Variants in SCFD1 observed in about 807,000 individuals in gnomAD.
SCFD1 encodes sec1 family domain containing 1.
In SCFD1, 37 loss-of-function variants were observed where a neutral mutation model predicts 103.2. The observed-to-expected ratio is 0.36, with a 90% CI of 0.28 to 0.47. The LOEUF (loss-of-function observed/expected upper bound fraction) is 0.47, where lower values mean the gene tolerates loss of function less well. Among genes scored for constraint, SCFD1 ranks in the 20% least tolerant of loss-of-function variants. SCFD1 has a pLI of 1.00. For synonymous variants in SCFD1, 264 were observed against 245.0 expected (o/e 1.08, Z -0.73); for missense variants, 639 against 761.2 (o/e 0.84, Z 1.89).
intron 4 of SCFD1, among the ~76,000 whole-genome samples, chr14:30,635,872 A>G (rs1322421788): frequency 1.3e-5 from 2 of 152,136 alleles, no homozygotes; most frequent in African/African-American, 4.8e-5. Flanking sequence ...TATTCCCACC[A>G]GTAGTGTGTG....
At chr14:30,700,126 G>A (rs1890978151) in intron 15 of SCFD1, 62 bp from the exon 16 acceptor site, 1 of 1,167,098 alleles carries the variant, frequency 8.6e-7, no homozygotes, top group Non-Finnish European at 1.3e-6. Flanking sequence ...TACTTGTGTT[G>A]ACTATAATAC....
chr14:30,653,050 C>G (rs1886553075), intron 9 of SCFD1, among the ~76,000 whole-genome samples: 2 of 152,030 alleles, frequency 1.3e-5, no homozygotes, highest in Non-Finnish European at 2.9e-5. Context: ...GCATCATACA[C>G]AAGCTGTAAC....
intron 4 of SCFD1, chr14:30,634,649 C>T: frequency 2.7e-6 from 1 of 364,750 alleles, no homozygotes; most frequent in East Asian, 7.3e-5. Flanking sequence ...ATAGGGTTTT[C>T]CTTTTCTAAA....
At chr14:30,681,165 G>A (rs1889439596) in intron 14 of SCFD1, among the ~76,000 whole-genome samples, 1 of 150,702 alleles carries the variant, frequency 6.6e-6, no homozygotes, top group East Asian at 2.0e-4. Flanking sequence ...AGGTTGCAGT[G>A]AGCCGAGATC....
At chr14:30,718,283 A>G (rs111610196) in intron 20 of SCFD1, among the ~76,000 whole-genome samples, 1 of 152,348 alleles carries the variant, frequency 6.6e-6, no homozygotes, top group Non-Finnish European at 1.5e-5. Context: ...TCATTCCAGC[A>G]TACACATTCC....
chr14:30,703,949 A>ATG (rs1891276278), intron 17 of SCFD1, among the ~76,000 whole-genome samples: 1 of 58,472 alleles, frequency 1.7e-5, no homozygotes, highest in Non-Finnish European at 2.7e-5. Context: ...ATATATATAT[A>ATG]TATATATATA....
chr14:30,665,759 G>C (rs920761518), intron 10 of SCFD1, among the ~76,000 whole-genome samples: 6 of 151,662 alleles, frequency 4.0e-5, no homozygotes, highest in East Asian at 3.9e-4. Flanking sequence ...TATGATAAAA[G>C]AGACTTTAAA....
intron 11 of SCFD1, among the ~76,000 whole-genome samples, chr14:30,672,950 T>C (rs1406326156): frequency 1.3e-5 from 2 of 152,204 alleles, no homozygotes; most frequent in Non-Finnish European, 2.9e-5. Flanking sequence ...CATGTAAATA[T>C]TTTACTTTTT....
chr14:30,693,773 T>G (rs902269730), intron 14 of SCFD1, among the ~76,000 whole-genome samples: 13 of 152,186 alleles, frequency 8.5e-5, no homozygotes, highest in African/African-American at 2.9e-4. Flanking sequence ...CCACTTTGAT[T>G]GTTTACACCC....
intron 21 of SCFD1, among the ~76,000 whole-genome samples, chr14:30,721,471 A>G (rs1335160538): frequency 1.3e-5 from 2 of 151,442 alleles, no homozygotes; most frequent in Non-Finnish European, 2.9e-5. Context: ...CTTCCCATAC[A>G]TGTATTTATA....
At chr14:30,638,058 T>C in intron 4 of SCFD1, 67 bp from the exon 5 acceptor site, 1 of 1,434,928 alleles carries the variant, frequency 7.0e-7, no homozygotes, top group Admixed American at 2.7e-5. Flanking sequence ...TGCCTTATAG[T>C]AGTTGAAACA....
intron 10 of SCFD1, among the ~76,000 whole-genome samples, chr14:30,656,688 A>G (rs1214298328): frequency 6.6e-6 from 1 of 152,148 alleles, no homozygotes; most frequent in Non-Finnish European, 1.5e-5. Context: ...GTAGCAAGGA[A>G]GACACCTAAT....
chr14:30,624,471 C>T (rs1242582310), intron 1 of SCFD1, among the ~76,000 whole-genome samples: 2 of 152,120 alleles, frequency 1.3e-5, no homozygotes, highest in African/African-American at 4.8e-5. Flanking sequence ...GGTCAAAAAC[C>T]TTGAAGTTTT....
chr14:30,642,507 A>T (rs1885382690), intron 6 of SCFD1, among the ~76,000 whole-genome samples: 1 of 152,200 alleles, frequency 6.6e-6, no homozygotes, highest in Non-Finnish European at 1.5e-5. Context: ...TCCCTGGGTG[A>T]TTCTTATACT....
At chr14:30,709,054 AC>A (rs1891680715) in intron 19 of SCFD1, among the ~76,000 whole-genome samples, 1 of 152,018 alleles carries the variant, frequency 6.6e-6, no homozygotes, top group Non-Finnish European at 1.5e-5. Context: ...TTTTTTATTT[AC>A]TTTTACTGGA....
chr14:30,721,749 A>G (rs1053588941), intron 21 of SCFD1, 135 bp from the exon 22 acceptor site: 45 of 711,292 alleles, frequency 6.3e-5, no homozygotes, highest in Non-Finnish European at 1.7e-5. Context: ...TAAAGGACCC[A>G]CCCCTCTAAG....
intron 14 of SCFD1, among the ~76,000 whole-genome samples, chr14:30,680,540 T>C (rs1192493965): frequency 1.9e-4 from 29 of 152,216 alleles, no homozygotes. Context: ...ATGCTGTAGT[T>C]CCATAAAACA....
At chr14:30,675,900 A>C (rs965619054) in intron 14 of SCFD1, among the ~76,000 whole-genome samples, 1 of 152,240 alleles carries the variant, frequency 6.6e-6, no homozygotes, top group Admixed American at 6.5e-5. Flanking sequence ...GGCAGCATGC[A>C]GTTTAAACCT....
At chr14:30,667,681 T>C (rs181254036) in intron 10 of SCFD1, among the ~76,000 whole-genome samples, 51 of 152,234 alleles carry the variant, frequency 3.4e-4, no homozygotes, top group Non-Finnish European at 6.2e-4. Flanking sequence ...CAGAATCTCC[T>C]TAAGCTGATA....
Sources: gnomAD v4.1 joint callset for allele counts (sites outside exome capture counted in the v4.1 genomes callset) on GRCh38, gnomAD v4.1.1 for gene constraint, MANE v1.5 for transcripts, NCBI Gene and HGNC (gene_info 2026-07-23, HGNC 2026-07-21) for gene names.